EIF3J: variants seen among roughly 807,000 people sequenced by gnomAD.
EIF3J encodes eukaryotic translation initiation factor 3, subunit 1 (alpha, 35kD).
EIF3J carries 15 observed loss-of-function variants against 39.0 expected under a neutral mutation model. That is an observed-to-expected ratio of 0.38 (90% CI 0.26 to 0.59). EIF3J has a LOEUF of 0.59. Ranked by LOEUF, EIF3J falls within the 20% of genes least tolerant of loss-of-function variation. The probability of loss-of-function intolerance (pLI) is 0.60; values close to 1 mark genes in which losing one functional copy is unlikely to be tolerated. For synonymous variants in EIF3J, 98 were observed against 112.9 expected (o/e 0.87, Z 0.84); for missense variants, 226 against 308.6 (o/e 0.73, Z 2.00).
At chr15:44,558,577 T>A (rs1371894675) in intron 6 of EIF3J, 1 of 152,212 alleles carries the variant, frequency 6.6e-6, no homozygotes, top group Non-Finnish European at 1.5e-5. Context: ...TAGCTGGGAT[T>A]ACAGGCGCCT....
chr15:44,550,952 A>C (rs1296506969), intron 3 of EIF3J, 22 bp downstream of exon 3: 2 of 1,598,920 alleles, frequency 1.3e-6, no homozygotes, highest in South Asian at 2.3e-5. Flanking sequence ...GGGCGCCTCC[A>C]TTTTTGTTTT....
rs2082192028 is a variant in EIF3J at position 44,561,252 on chromosome 15, G to GT, written c.*104dup. On this transcript the variant is annotated 3_prime_UTR_variant, in exon 8 of 8. Transcript: ENST00000261868. Reference sequence around the variant, plus strand: ...GTTCTGCCAAATGCTACAATCAGAAGTGCAGTATCTTTTGTGCTGGTTATT... The same window carrying GT: ...GTTCTGCCAAATGCTACAATCAGAAGTTGCAGTATCTTTTGTGCTGGTTATT... 5 of 1,366,770 alleles carry GT rather than the reference G, an allele frequency of 3.7e-6. No homozygotes were observed. The Admixed American group carries it at 8.3e-5, about 23-fold the overall frequency. The allele number at this position is 1,366,770 out of a possible 1,614,324, so 84.7% of individuals were successfully genotyped here. A position where few individuals can be genotyped will look rare whatever the true frequency, so the allele number is the denominator to read the frequency against.
intron 6 of EIF3J, among the ~76,000 whole-genome samples, chr15:44,559,939 CAGGGT>C (rs2082178137): frequency 6.6e-6 from 1 of 151,806 alleles, no homozygotes; most frequent in Non-Finnish European, 1.5e-5. Context: ...TTTCAAGAGA[CAGGGT>C]CTAGCTGTGT....
intron 2 of EIF3J, among the ~76,000 whole-genome samples, chr15:44,543,765 T>TAGGTAGCTTCA (rs1178413384): frequency 3.9e-5 from 6 of 152,266 alleles, no homozygotes; most frequent in African/African-American, 1.2e-4. Flanking sequence ...AGGGAATGTC[T>TAGGTAGCTTCA]AGGTAGCTTC....
intron 4 of EIF3J, 73 bp downstream of exon 4, chr15:44,551,595 A>C: frequency 1.7e-6 from 2 of 1,174,342 alleles, no homozygotes; most frequent in Non-Finnish European, 2.4e-6. Flanking sequence ...TGCAAATATT[A>C]CCTAGGAATT....
intron 5 of EIF3J, among the ~76,000 whole-genome samples, chr15:44,555,644 T>C (rs1057043674): frequency 1.3e-5 from 2 of 152,214 alleles, no homozygotes; most frequent in African/African-American, 4.8e-5. Context: ...CCCATGTGTT[T>C]ATTAAAGAGG....
chr15:44,546,841 T>G (rs1403455929), intron 2 of EIF3J, among the ~76,000 whole-genome samples: 5 of 139,014 alleles, frequency 3.6e-5, no homozygotes, highest in African/African-American at 1.2e-4. Flanking sequence ...TTTTTTTTTT[T>G]TTTGAGACAG....
At chr15:44,537,500 G>C in intron 2 of EIF3J, 73 bp downstream of exon 2, 1 of 1,399,032 alleles carries the variant, frequency 7.1e-7, no homozygotes, top group Non-Finnish European at 9.3e-7. Context: ...TGGGCCCCGG[G>C]TCGCTGCCGG....
chr15:44,557,246 T>A (rs1018428613), intron 5 of EIF3J, among the ~76,000 whole-genome samples: 14 of 152,158 alleles, frequency 9.2e-5, no homozygotes, highest in African/African-American at 3.4e-4. Context: ...GCCAGTCAAT[T>A]GAAACTGAAG....
intron 4 of EIF3J, among the ~76,000 whole-genome samples, 182 bp from the exon 5 acceptor site, chr15:44,554,361 AGTGAGGCTCT>A (rs1031148039): frequency 1.5e-4 from 20 of 136,252 alleles, no homozygotes; most frequent in African/African-American, 2.7e-4. Flanking sequence ...TTGGTGGCAG[AGTGAGGCTCT>A]GTCTAAAAAA....
At chr15:44,550,651 C>G (rs1045792968) in intron 2 of EIF3J, 4 of 389,104 alleles carry the variant, frequency 1.0e-5, no homozygotes, top group Non-Finnish European at 1.9e-5. Flanking sequence ...TAAAACACTT[C>G]TGAAAGGTAC....
chr15:44,551,063 C>G, intron 3 of EIF3J, 133 bp downstream of exon 3: 1 of 1,373,486 alleles, frequency 7.3e-7, no homozygotes, highest in Admixed American at 2.9e-5. Flanking sequence ...CTTCCATTCC[C>G]ACTTTATTCT....
intron 2 of EIF3J, among the ~76,000 whole-genome samples, chr15:44,539,732 CTTTTTTT>C (rs77942286): frequency 2.7e-4 from 35 of 129,222 alleles, no homozygotes; most frequent in Admixed American, 7.7e-4. Flanking sequence ...ATTTCTTTTT[CTTTTTTT>C]TTTTTTTTTT....
chr15:44,560,138 T>G (rs2082179521), intron 6 of EIF3J, 111 bp from the exon 7 acceptor site: 1 of 803,078 alleles, frequency 1.2e-6, no homozygotes, highest in Non-Finnish European at 1.9e-6. Context: ...ATAACACTTT[T>G]GGAATGTACA....
chr15:44,559,662 G>A (rs1191271959), intron 6 of EIF3J, among the ~76,000 whole-genome samples: 3 of 151,152 alleles, frequency 2.0e-5, no homozygotes, highest in African/African-American at 7.3e-5. Flanking sequence ...AGCCGAGATC[G>A]CGTCACTGCA....
At chr15:44,556,930 C>T (rs2082149573) in intron 5 of EIF3J, among the ~76,000 whole-genome samples, 1 of 152,096 alleles carries the variant, frequency 6.6e-6, no homozygotes, top group Non-Finnish European at 1.5e-5. Flanking sequence ...AAACAAAACA[C>T]TGGGATTACA....
intron 1 of EIF3J, 34 bp downstream of exon 1, chr15:44,537,271 G>C: frequency 1.3e-6 from 2 of 1,569,640 alleles, no homozygotes; most frequent in Non-Finnish European, 1.7e-6. Flanking sequence ...GGCCCGGGCC[G>C]GCGCCGGCCC....
intron 2 of EIF3J, 94 bp downstream of exon 2, chr15:44,537,521 C>A: frequency 7.6e-7 from 1 of 1,317,464 alleles, no homozygotes; most frequent in Non-Finnish European, 9.9e-7. Flanking sequence ...GGCCTGCGGG[C>A]CGTGGGTCCA....
chr15:44,548,947 A>C (rs2082075865), intron 2 of EIF3J, among the ~76,000 whole-genome samples: 1 of 152,142 alleles, frequency 6.6e-6, no homozygotes, highest in Non-Finnish European at 1.5e-5. Context: ...TGATGCTGTG[A>C]CAACTGGGTA....
Sources: allele counts gnomAD v4.1 joint callset (sites outside exome capture counted in the v4.1 genomes callset), GRCh38; gene constraint gnomAD v4.1.1; transcripts MANE v1.5; gene names NCBI Gene and HGNC (gene_info 2026-07-23, HGNC 2026-07-21).